The following MACROD2 variants were observed in gnomAD, a reference collection of about 807,000 sequenced individuals.
The protein encoded by MACROD2 is ADP-ribose glycohydrolase MACROD2.
A neutral mutation model predicts 70.4 loss-of-function variants in MACROD2; 36 were observed. The observed-to-expected ratio is 0.51, with a 90% confidence interval of 0.39 to 0.68. MACROD2 has a LOEUF of 0.68. MACROD2 is among the 30% of genes least tolerant of loss of function. The probability of loss-of-function intolerance (pLI) is 0.00; values close to 1 mark genes in which losing one functional copy is unlikely to be tolerated. For missense variants in MACROD2, 496 were observed against 538.4 expected (o/e 0.92, Z 0.78); for synonymous variants, 172 against 178.8 (o/e 0.96, Z 0.30).
intron 15 of MACROD2, among the ~76,000 whole-genome samples, chr20:16,026,500 G>C (rs1447286046): frequency 2.6e-5 from 4 of 152,202 alleles, no homozygotes; most frequent in Non-Finnish European, 5.9e-5. Flanking sequence ...GTGAAAGAAA[G>C]TTTAGGGCCA....
intron 5 of MACROD2, among the ~76,000 whole-genome samples, chr20:14,813,816 T>G (rs2072743004): frequency 6.6e-6 from 1 of 151,992 alleles, no homozygotes; most frequent in Non-Finnish European, 1.5e-5. Context: ...CCATTGGTGA[T>G]CCACTTAACC....
At position 14,474,806 on chromosome 20, in the gene MACROD2, C is replaced by T. The variant is rs573717219; in HGVS notation, c.272-18673C>T. 2.2e-3 allele frequency among the ~76,000 whole-genome samples: 340 copies of T among 152,088 alleles called. 1 individual carries two copies. The highest frequency in any genetic ancestry group is 7.7e-3 in the African/African-American group (319 of 41,520). On this transcript the variant is annotated intron_variant, in intron 3 of 17. Transcript: ENST00000684519. Reference sequence around the variant, plus strand: ...TTGCCACCTCTGTTCTTTTTGGTTTCCATTTGCATGGAAAGTCTTTTTCCA... The same window carrying T: ...TTGCCACCTCTGTTCTTTTTGGTTTTCATTTGCATGGAAAGTCTTTTTCCA...
intron 6 of MACROD2, among the ~76,000 whole-genome samples, chr20:15,251,159 A>G (rs2077152528): frequency 6.6e-6 from 1 of 152,204 alleles, no homozygotes; most frequent in South Asian, 2.1e-4. Context: ...TAGGGGTCAG[A>G]TGATCAAAAT....
intron 3 of MACROD2, among the ~76,000 whole-genome samples, chr20:14,143,695 T>C (rs1203114196): frequency 6.6e-6 from 1 of 152,178 alleles, no homozygotes; most frequent in African/African-American, 2.4e-5. Context: ...GCTCAGGCCA[T>C]TGTGGAATGA....
At chr20:14,642,989 G>A (rs979601400) in intron 4 of MACROD2, among the ~76,000 whole-genome samples, 1 of 151,840 alleles carries the variant, frequency 6.6e-6, no homozygotes, top group Non-Finnish European at 1.5e-5. Context: ...AGCTATGCCT[G>A]TATTTAAAAA....
chr20:15,056,225 C>T (rs181573328), intron 5 of MACROD2, among the ~76,000 whole-genome samples: 5 of 152,154 alleles, frequency 3.3e-5, no homozygotes, highest in African/African-American at 1.2e-4. Context: ...ATTAGAGGAG[C>T]TGAGGGAGCT....
At chr20:14,255,444 C>A (rs1470837902) in intron 3 of MACROD2, among the ~76,000 whole-genome samples, 1 of 150,830 alleles carries the variant, frequency 6.6e-6, no homozygotes, top group Non-Finnish European at 1.5e-5. Flanking sequence ...ACAAAAAAAC[C>A]AAACACCGCA....
chr20:14,448,443 G>A (rs754474499), intron 3 of MACROD2, among the ~76,000 whole-genome samples: 2 of 151,928 alleles, frequency 1.3e-5, no homozygotes, highest in African/African-American at 2.4e-5. Context: ...TTGGGAGGCC[G>A]AGGTGGGCAG....
chr20:16,006,887 CTT>C (rs1248967118), intron 15 of MACROD2, among the ~76,000 whole-genome samples: 1 of 152,154 alleles, frequency 6.6e-6, no homozygotes, highest in African/African-American at 2.4e-5. Flanking sequence ...AGAACGACCT[CTT>C]TTTGTCTCAA....
rs921657631 is a variant in MACROD2 at position 14,084,484 on chromosome 20, T to C, written c.164-1137T>C. 3.9e-5 allele frequency among the ~76,000 whole-genome samples: 6 copies of C among 152,332 alleles called. No individual in the cohort carries two copies. In the South Asian group the frequency reaches 1.2e-3, roughly 32 times the overall value. On this transcript the variant is annotated intron_variant, in intron 2 of 17. Coordinates refer to ENST00000684519, the MANE Select transcript of MACROD2 (RefSeq NM_001351661.2). ...AAATATAAATCAGCTTTCCTGTAAG[T>C]ATATTAAAAACCTTTTTATGAATAG...
At chr20:15,993,152 C>G (rs948244147) in intron 15 of MACROD2, among the ~76,000 whole-genome samples, 14 of 151,656 alleles carry the variant, frequency 9.2e-5, no homozygotes, top group Non-Finnish European at 1.8e-4. Flanking sequence ...AAAATCAATA[C>G]AAGTAAAATA....
chr20:15,026,518 T>G (rs956829511), intron 5 of MACROD2, among the ~76,000 whole-genome samples: 24 of 150,788 alleles, frequency 1.6e-4, no homozygotes, highest in Non-Finnish European at 3.1e-4. Context: ...AATATATTTT[T>G]TATTTATTTA....
At chr20:15,506,862 C>G (rs927990424) in intron 8 of MACROD2, among the ~76,000 whole-genome samples, 5 of 152,198 alleles carry the variant, frequency 3.3e-5, no homozygotes, top group Non-Finnish European at 5.9e-5. Flanking sequence ...CGTGCTCTCT[C>G]TCAGGAATGC....
intron 3 of MACROD2, among the ~76,000 whole-genome samples, chr20:14,436,505 C>A (rs2084057941): frequency 2.0e-5 from 3 of 152,178 alleles, no homozygotes. Flanking sequence ...AGGCACTTCA[C>A]CCACCTTAAC....
intron 2 of MACROD2, among the ~76,000 whole-genome samples, chr20:14,030,014 C>T (rs1365739659): frequency 3.9e-5 from 6 of 152,158 alleles, no homozygotes; most frequent in Non-Finnish European, 8.8e-5. Context: ...AGAAATAGTA[C>T]TTTTTTTCCT....
intron 8 of MACROD2, among the ~76,000 whole-genome samples, chr20:15,815,427 T>C (rs1479482681): frequency 6.6e-6 from 1 of 151,148 alleles, no homozygotes; most frequent in Non-Finnish European, 1.5e-5. Context: ...TTTTTTTTAA[T>C]GTAGTCTAAA....
At position 14,080,782 on chromosome 20, in the gene MACROD2, A is replaced by G. The variant is rs892760794; in HGVS notation, c.164-4839A>G. 2.7e-4 allele frequency among the ~76,000 whole-genome samples: 41 copies of G among 152,030 alleles called. 2 individuals are homozygous for G. Among genetic ancestry groups the G allele is most frequent in the African/African-American group, 4.8e-5 (2 of 41,394 alleles). ...TTATTCTAGTTTCCTCTGATAGCCT[A>G]CTACAAGTTTCCAAACTAACATTTC... is the stretch of plus-strand genomic sequence containing the variant. On this transcript the variant is annotated intron_variant, in intron 2 of 17. Coordinates refer to ENST00000684519, the MANE Select transcript of MACROD2 (RefSeq NM_001351661.2).
At chr20:15,233,979 T>TATA (rs1568657341) in intron 6 of MACROD2, among the ~76,000 whole-genome samples, 38 of 48,988 alleles carry the variant, frequency 7.8e-4, no homozygotes, top group African/African-American at 2.1e-3. Context: ...TTATATATAT[T>TATA]TATTTATATA....
chr20:15,135,934 CA>C (rs1371174609), intron 5 of MACROD2, among the ~76,000 whole-genome samples: 5 of 151,546 alleles, frequency 3.3e-5, no homozygotes, highest in African/African-American at 1.2e-4. Context: ...GACAAACAGC[CA>C]AATCATGAGT....
Sources: allele counts gnomAD v4.1 joint callset (sites outside exome capture counted in the v4.1 genomes callset), GRCh38; gene constraint gnomAD v4.1.1; transcripts MANE v1.5; gene names NCBI Gene and HGNC (gene_info 2026-07-23, HGNC 2026-07-21).